FBXO47: variants seen among roughly 807,000 people sequenced by gnomAD.
FBXO47 encodes F-box only protein 47.
In FBXO47, 34 loss-of-function variants were observed where a neutral mutation model predicts 53.9. The observed-to-expected ratio is 0.63, with a 90% CI of 0.48 to 0.84. The LOEUF (loss-of-function observed/expected upper bound fraction) is 0.84, where lower values mean the gene tolerates loss of function less well. Among genes scored for constraint, FBXO47 ranks in the 40% least tolerant of loss-of-function variants. The pLI, the probability that FBXO47 is intolerant of heterozygous loss-of-function variation, is 0.00. For synonymous variants in FBXO47, 165 were observed against 181.6 expected (o/e 0.91, Z 0.73); for missense variants, 485 against 541.3 (o/e 0.90, Z 1.03).
At chr17:38,960,618 ATAAT>A (rs1905773394) in intron 3 of FBXO47, among the ~76,000 whole-genome samples, 1 of 151,656 alleles carries the variant, frequency 6.6e-6, no homozygotes, top group Non-Finnish European at 1.5e-5. Flanking sequence ...TGAATTAAAA[ATAAT>A]TCTTTCTCTT....
chr17:38,962,758 A>G, intron 2 of FBXO47, 87 bp downstream of exon 2: 1 of 865,422 alleles, frequency 1.2e-6, no homozygotes, highest in South Asian at 2.4e-5. Flanking sequence ...ACATTTTAGC[A>G]TGGCCCAAGA....
At chr17:38,939,323 A>AAAATATATAT (rs1555559726) in intron 9 of FBXO47, among the ~76,000 whole-genome samples, 1 of 50,174 alleles carries the variant, frequency 2.0e-5, no homozygotes, top group African/African-American at 7.5e-5. Context: ...AAAAAAAAAA[A>AAAATATATAT]ATATATATAT....
chr17:38,957,879 G>C (rs1905631825), intron 3 of FBXO47, among the ~76,000 whole-genome samples: 1 of 151,818 alleles, frequency 6.6e-6, no homozygotes, highest in Non-Finnish European at 1.5e-5. Flanking sequence ...CTGTTGCCAG[G>C]ATGAAGTGCA....
intron 5 of FBXO47, among the ~76,000 whole-genome samples, chr17:38,953,497 T>A (rs1209513311): frequency 6.6e-6 from 1 of 151,030 alleles, no homozygotes; most frequent in Non-Finnish European, 1.5e-5. Flanking sequence ...TGGTAGCGCA[T>A]ACCTGTAATC....
intron 3 of FBXO47, among the ~76,000 whole-genome samples, chr17:38,958,346 AT>A (rs899452544): frequency 6.0e-5 from 9 of 149,778 alleles, no homozygotes; most frequent in Non-Finnish European, 1.0e-4. Context: ...CAGAAGCTAG[AT>A]TTTTTTTTTC....
At chr17:38,958,720 T>C (rs1905677066) in intron 3 of FBXO47, among the ~76,000 whole-genome samples, 2 of 152,184 alleles carry the variant, frequency 1.3e-5, no homozygotes, top group Non-Finnish European at 2.9e-5. Flanking sequence ...ATATTATAAT[T>C]ACTTTATATA....
rs559013833 is a variant in FBXO47 at position 38,960,921 on chromosome 17, C to A, written c.352+956G>T. 1.3e-4 allele frequency among the ~76,000 whole-genome samples: 20 copies of A among 152,036 alleles called. No individual in the cohort carries two copies. The East Asian group carries it at 3.7e-3, about 28-fold the overall frequency. ...TGCTGAGATTACAGGTGTGAACCAC[C>A]GCAGCCAGCCGAAAAATTATATTTA... On this transcript the variant is annotated intron_variant, in intron 3 of 10. Coordinates refer to ENST00000378079, the MANE Select transcript of FBXO47 (RefSeq NM_001008777.3).
At chr17:38,942,279 C>T (rs1324775253) in intron 9 of FBXO47, among the ~76,000 whole-genome samples, 1 of 151,868 alleles carries the variant, frequency 6.6e-6, no homozygotes, top group East Asian at 1.9e-4. Context: ...GGGATGATTC[C>T]AAATATTATA....
intron 3 of FBXO47, among the ~76,000 whole-genome samples, chr17:38,958,124 C>T (rs544687782): frequency 1.3e-5 from 2 of 152,098 alleles, no homozygotes; most frequent in Non-Finnish European, 2.9e-5. Context: ...CCACCATGCC[C>T]GGCCCAAGCC....
At chr17:38,943,033 G>T in intron 8 of FBXO47, 113 bp from the exon 9 acceptor site, 1 of 979,438 alleles carries the variant, frequency 1.0e-6, no homozygotes, top group Non-Finnish European at 1.5e-6. Flanking sequence ...TAGTGCCAAG[G>T]GAAATGCTCA....
intron 9 of FBXO47, among the ~76,000 whole-genome samples, chr17:38,941,116 T>G (rs1904486350): frequency 6.6e-6 from 1 of 151,838 alleles, no homozygotes; most frequent in African/African-American, 2.4e-5. Context: ...CCTGAGTAGC[T>G]GAGCTCACAG....
intron 9 of FBXO47, among the ~76,000 whole-genome samples, chr17:38,941,204 C>G (rs1904491032): frequency 6.6e-6 from 1 of 151,572 alleles, no homozygotes; most frequent in Non-Finnish European, 1.5e-5. Context: ...CAGCATCTCA[C>G]TCTGTCACCT....
intron 4 of FBXO47, among the ~76,000 whole-genome samples, chr17:38,956,529 A>T: frequency 6.6e-6 from 1 of 151,570 alleles, no homozygotes; most frequent in East Asian, 1.9e-4. Flanking sequence ...TGGAGGTTGC[A>T]GTGAGCCAAG....
At chr17:38,961,029 C>T (rs1413391837) in intron 3 of FBXO47, among the ~76,000 whole-genome samples, 3 of 152,288 alleles carry the variant, frequency 2.0e-5, no homozygotes, top group African/African-American at 7.2e-5. Flanking sequence ...ACCAACAACA[C>T]TGTAATCAGA....
intron 1 of FBXO47, among the ~76,000 whole-genome samples, chr17:38,964,306 A>G (rs1905977377): frequency 6.6e-6 from 1 of 152,020 alleles, no homozygotes; most frequent in Non-Finnish European, 1.5e-5. Flanking sequence ...CTAAAAATAC[A>G]AAAATTAGGC....
intron 9 of FBXO47, among the ~76,000 whole-genome samples, chr17:38,941,716 C>A (rs909755091): frequency 3.4e-5 from 5 of 148,934 alleles, no homozygotes; most frequent in African/African-American, 1.2e-4. Flanking sequence ...TTCTGTTGCC[C>A]AGACTGGAGT....
At position 38,962,965 on chromosome 17, in the gene FBXO47, T is replaced by C; in HGVS notation, c.61A>G (p.Asn21Asp). 1 of 1,612,980 alleles carries C rather than the reference T, an allele frequency of 6.2e-7. No homozygotes were observed. The highest frequency in any genetic ancestry group is 8.5e-7 in the Non-Finnish European group (1 of 1,179,188). ...TTGGAATAACAGCTGGTTTGACGAT[T>C]ACTACGTCTAAGTTTCTGGTTGGGA... is the stretch of plus-strand genomic sequence containing the variant. ...LIPNQKLRRS[N>D]RQTSCYSKTL... Residue 21 changes from asparagine (N) to aspartate (D), a missense_variant, in exon 2 of 11, where the codon AAT becomes GAT. Physicochemically the swap from Asn to Asp is conservative, Grantham distance 23 (BLOSUM62 1). Coordinates refer to ENST00000378079, the MANE Select transcript of FBXO47 (RefSeq NM_001008777.3).
Position 38,945,879 on chromosome 17 carries a change from T to C in FBXO47, c.617-743A>G, listed in dbSNP as rs1174821820. On this transcript the variant is annotated intron_variant, in intron 6 of 10. Transcript: ENST00000378079. Reference sequence around the variant, plus strand: ...TTAACCCGGGAGGTGGAGCTTGTAGTGAGCCAAGATCGTGCCACTGCACTC... The same window carrying C: ...TTAACCCGGGAGGTGGAGCTTGTAGCGAGCCAAGATCGTGCCACTGCACTC... 2.1e-5 allele frequency among the ~76,000 whole-genome samples: 3 copies of C among 144,524 alleles called. No homozygotes were observed. In the Admixed American group the frequency reaches 2.2e-4, roughly 11 times the overall value. The allele number at this position is 144,524 out of a possible 152,430, so 94.8% of individuals were successfully genotyped here. A position where few individuals can be genotyped will look rare whatever the true frequency, so the allele number is the denominator to read the frequency against.
intron 6 of FBXO47, among the ~76,000 whole-genome samples, chr17:38,948,569 T>C (rs1905053493): frequency 6.6e-6 from 1 of 152,088 alleles, no homozygotes; most frequent in Non-Finnish European, 1.5e-5. Context: ...ATTTTGTGAC[T>C]GGCTTATTTC....
Sources: allele counts gnomAD v4.1 joint callset (sites outside exome capture counted in the v4.1 genomes callset), GRCh38; gene constraint gnomAD v4.1.1; transcripts MANE v1.5; gene names NCBI Gene and HGNC (gene_info 2026-07-23, HGNC 2026-07-21).